The following AURKAIP1 variants were observed in gnomAD, a reference collection of about 807,000 sequenced individuals.
AURKAIP1 encodes the protein aurora kinase A interacting protein 1.
In AURKAIP1, 20 loss-of-function variants were observed where a neutral mutation model predicts 18.4. The observed-to-expected ratio is 1.09, with a 90% CI of 0.77 to 1.58. The LOEUF is 1.58. Ranked by LOEUF, AURKAIP1 falls within the 40% of genes most tolerant of loss-of-function variation. The probability of loss-of-function intolerance (pLI) is 0.00; values close to 1 mark genes in which losing one functional copy is unlikely to be tolerated. For missense variants in AURKAIP1, 319 were observed against 270.7 expected, an observed-to-expected ratio of 1.18 and a Z score of -1.25; for synonymous variants, 156 against 120.8, an observed-to-expected ratio of 1.29 and a Z score of -1.91.
chr1:1,373,946 A>C (rs1449559423), intron 3 of AURKAIP1, 44 bp from the exon 4 acceptor site: 1 of 1,609,046 alleles, frequency 6.2e-7, no homozygotes, highest in South Asian at 1.1e-5. Context: ...TTCGTGGCAA[A>C]GAAACGTGTT....
rs1644320404 is a variant in AURKAIP1 at position 1,374,042 on chromosome 1, G to A, written c.456C>T (p.Phe152=). 4 of 1,607,158 alleles carry A rather than the reference G, an allele frequency of 2.5e-6. No homozygotes were observed. The highest frequency in any genetic ancestry group is 2.2e-5 in the East Asian group (1 of 44,742). ...GTCCCTCCTGGACCTTCCTCCGCAG[G>A]AACCGCGTCTTCTTCACCAGCTTCC... is the stretch of plus-strand genomic sequence containing the variant. ...KYRKLVKKTR[F]LRRKVQEGRL... The change falls in exon 3 of 4, where the codon TTC becomes TTT. Residue 152 remains phenylalanine, a synonymous_variant. Coordinates refer to ENST00000338338, the MANE Select transcript of AURKAIP1 (RefSeq NM_017900.3).
rs1457991839 is a variant in AURKAIP1, at chr1:1,374,794, G to A, written c.-34-4C>T. On this transcript the variant is annotated splice_region_variant and splice_polypyrimidine_tract_variant and intron_variant, in intron 1 of 3. Coordinates refer to ENST00000338338, the MANE Select transcript of AURKAIP1 (RefSeq NM_017900.3). ...GCGGCCACAGGTCCCAGGGGAGCTGGAACACAAGTGCCCGTTCAGGTCAGG... is the reference window on the plus strand; with the variant it reads ...GCGGCCACAGGTCCCAGGGGAGCTGAAACACAAGTGCCCGTTCAGGTCAGG... The A allele has an allele frequency of 3.2e-6, 5 of 1,544,300 alleles. No homozygotes were observed. In the African/African-American group the frequency reaches 6.9e-5, roughly 21 times the overall value.
chr1:1,373,982 A>C lies in AURKAIP1; in HGVS notation c.498+18T>G, dbSNP rs759798872. 15 of 1,608,652 alleles carry C rather than the reference A, an allele frequency of 9.3e-6. No homozygotes were observed. In the South Asian group the frequency reaches 1.5e-4, roughly 16 times the overall value. On this transcript the variant is annotated intron_variant, in intron 3 of 3. Coordinates refer to ENST00000338338, the MANE Select transcript of AURKAIP1 (RefSeq NM_017900.3). ...CTCAGCACTTTGCCCTCCCAGGGCC[A>C]AGCAGGGGGCCACTCACCTGCTTGC...
Position 1,374,294 on chromosome 1 carries a change from C to G in AURKAIP1, c.204G>C (p.Lys68Asn). 6.3e-7 allele frequency: 1 copy of G among 1,591,752 alleles called. No homozygotes were observed. The highest frequency in any genetic ancestry group is 8.5e-7 in the Non-Finnish European group (1 of 1,170,330). ...LELEEMLVPR[K>N]MSVSPLESWL... ...AGCTCTCCAGGGGGCTGACGGACAT[C>G]TTCCTGGGGACCAGCATCTCCTCCA... is the stretch of plus-strand genomic sequence containing the variant. Residue 68 changes from lysine (K) to asparagine (N), a missense_variant, in exon 3 of 4, where the codon AAG becomes AAC. By Grantham distance (94) the Lys-to-Asn change is moderately conservative. Transcript: ENST00000338338.
At chr1:1,374,997 C>T (rs973239541) in intron 1 of AURKAIP1, 157 bp downstream of exon 1, 5 of 485,184 alleles carry the variant, frequency 1.0e-5, no homozygotes, top group African/African-American at 8.3e-5. Context: ...TCGGACGCAC[C>T]GAAAGGTCCC....
At position 1,373,842 on chromosome 1, in the gene AURKAIP1, C is replaced by T. The variant is rs753960121; in HGVS notation, c.559G>A (p.Glu187Lys). ...TAGATCTTGGGGGTCTGCCAGCCTTCGGGGGCTTCCTTTAGCCCCGCCTTC... is the reference window on the plus strand; with the variant it reads ...TAGATCTTGGGGGTCTGCCAGCCTTTGGGGGCTTCCTTTAGCCCCGCCTTC... ...WLKAGLKEAP[E>K]GWQTPKIYLR... is the part of the protein sequence containing the mutation. Residue 187 changes from glutamate to lysine, a missense_variant, in exon 4 of 4, where the codon GAA becomes AAA. Glu to Lys is a moderately conservative substitution (Grantham distance 56). Transcript: ENST00000338338. 7 of 1,603,304 alleles carry T rather than the reference C, an allele frequency of 4.4e-6. No homozygotes were observed. The highest frequency in any genetic ancestry group is 1.7e-5 in the Admixed American group (1 of 59,842).
intron 2 of AURKAIP1, 70 bp downstream of exon 2, chr1:1,374,635 G>A (rs1569842378): frequency 2.0e-6 from 3 of 1,504,416 alleles, no homozygotes; most frequent in South Asian, 1.2e-5. Context: ...CCCTGCCCCA[G>A]CGGAGCTGCT....
rs758658980 is a variant in AURKAIP1, at chr1:1,373,913, CAGAG to C, written c.499-15_499-12del. 1.9e-6 allele frequency: 3 copies of C among 1,609,214 alleles called. No homozygotes were observed. The highest frequency in any genetic ancestry group is 1.7e-5 in the Admixed American group (1 of 60,024). Reference sequence around the variant, plus strand: ...TTTCTCGAACTTGATCTGCAAGACGCAGAGAGAGGGACCGCCAAGTAATTCGTGG... The same window carrying C: ...TTTCTCGAACTTGATCTGCAAGACGCAGAGGGACCGCCAAGTAATTCGTGG... On this transcript the variant is annotated splice_polypyrimidine_tract_variant and intron_variant, in intron 3 of 3. Transcript: ENST00000338338.
At chr1:1,374,652 C>T (rs1644330557) in intron 2 of AURKAIP1, 53 bp downstream of exon 2, 1 of 1,529,910 alleles carries the variant, frequency 6.5e-7, no homozygotes, top group Non-Finnish European at 8.9e-7. Context: ...TGCTGAGACC[C>T]GCACTCCTAA....
In AURKAIP1 at chr1:1,374,048, C is replaced by T. The variant is rs1260938623; in HGVS notation, c.450G>A (p.Thr150=). 6.2e-7 allele frequency: 1 copy of T among 1,607,540 alleles called. No homozygotes were observed. The highest frequency in any genetic ancestry group is 8.5e-7 in the Non-Finnish European group (1 of 1,176,282). ...CCTGGACCTTCCTCCGCAGGAACCG[C>T]GTCTTCTTCACCAGCTTCCGGTACT... is the stretch of plus-strand genomic sequence containing the variant. The part of the protein sequence containing the change: ...HHKYRKLVKK[T]RFLRRKVQEG... Residue 150 remains threonine, a synonymous_variant, in exon 3 of 4, where the codon ACG becomes ACA. Transcript: ENST00000338338.
chr1:1,374,236 C>G lies in AURKAIP1; in HGVS notation c.262G>C (p.Asp88His). 6.2e-7 allele frequency: 1 copy of G among 1,612,048 alleles called. No homozygotes were observed. The highest frequency in any genetic ancestry group is 1.1e-5 in the South Asian group (1 of 91,070). ...GCCACAGTCCCTGCGGTCCCGGTAT[C>G]CAGTCTGGGCAGGAAGCAGCGGGCC... ...LTARCFLPRL[D>H]TGTAGTVAPP... Residue 88 changes from aspartate to histidine, a missense_variant, in exon 3 of 4, where the codon GAT becomes CAT. Physicochemically the swap from Asp to His is moderately conservative, Grantham distance 81. Transcript: ENST00000338338.
chr1:1,374,784 AG>A lies in AURKAIP1; in HGVS notation c.-29del. On this transcript the variant is annotated 5_prime_UTR_variant, in exon 2 of 4. Transcript: ENST00000338338. The stretch of plus-strand genomic sequence containing the variant: ...TCTGTGGGCGGCGGCCACAGGTCCC[AG>A]GGGAGCTGGAACACAAGTGCCCGTT... The A allele has an allele frequency of 6.5e-7, 1 of 1,549,552 alleles. No homozygotes were observed. The highest frequency in any genetic ancestry group is 1.8e-4 in the Middle Eastern group (1 of 5,642).
At chr1:1,374,844 G>A in intron 1 of AURKAIP1, 54 bp from the exon 2 acceptor site, 1 of 1,331,322 alleles carries the variant, frequency 7.5e-7, no homozygotes, top group Admixed American at 2.3e-5. Flanking sequence ...GTAGTCGCGG[G>A]CGGGCCGGGA....
chr1:1,374,911 C>A lies in AURKAIP1; in HGVS notation c.-34-121G>T, dbSNP rs536418752. 9.2e-3 allele frequency: 5,983 copies of A among 652,786 alleles called. 47 individuals are homozygous for A. The highest frequency in any genetic ancestry group is 9.6e-3 in the South Asian group (474 of 49,460). 40.4% of individuals were successfully genotyped at this position (652,786 alleles called of 1,614,324 possible). On this transcript the variant is annotated intron_variant, in intron 1 of 3. Transcript: ENST00000338338. ...TTCCCTTCTCCCTCCGCCACCCCAA[C>A]CCACAAGGAGGACTTTGCTTCCAAC...
At position 1,374,247 on chromosome 1, in the gene AURKAIP1, A is replaced by C; in HGVS notation, c.251T>G (p.Leu84Arg). The change falls in exon 3 of 4, where the codon CTG becomes CGG. Residue 84 changes from leucine to arginine, a missense_variant. By Grantham distance (102) the Leu-to-Arg change is moderately radical. Transcript: ENST00000338338. ...LESWLTARCF[L>R]PRLDTGTAGT... is the part of the protein sequence containing the mutation. ...TGCGGTCCCGGTATCCAGTCTGGGC[A>C]GGAAGCAGCGGGCCGTGAGCCAGCT... The C allele has an allele frequency of 6.2e-7, 1 of 1,610,328 alleles. No individual in the cohort carries two copies. The highest frequency in any genetic ancestry group is 8.5e-7 in the Non-Finnish European group (1 of 1,179,188).
rs375527553 is a variant in AURKAIP1, at chr1:1,374,106, A to G, written c.392T>C (p.Leu131Pro). The stretch of plus-strand genomic sequence containing the variant: ...GTTCATCTTCCGCCGGCGGATCTTC[A>G]GCACGTTTTTGCACTGAATTTGAGG... ...DAPQIQCKNV[L>P]KIRRRKMNHH... is the part of the protein sequence containing the mutation. Residue 131 changes from leucine (L) to proline (P), a missense_variant, in exon 3 of 4, where the codon CTG (leucine) becomes CCG (proline). By Grantham distance (98) the Leu-to-Pro change is moderately conservative (BLOSUM62 -3). Coordinates refer to ENST00000338338, the MANE Select transcript of AURKAIP1 (RefSeq NM_017900.3). 6.2e-7 allele frequency: 1 copy of G among 1,612,650 alleles called. No homozygotes were observed. The highest frequency in any genetic ancestry group is 8.5e-7 in the Non-Finnish European group (1 of 1,179,372).
Position 1,374,008 on chromosome 1 carries a change from G to A in AURKAIP1, c.490C>T (p.Arg164Cys). The change falls in exon 3 of 4, where the codon CGC (arginine) becomes TGC (cysteine). Residue 164 changes from arginine to cysteine, a missense_variant. Arg to Cys is a radical substitution (Grantham distance 180). Transcript: ENST00000338338. ...AGCAGGGGGCCACTCACCTGCTTGC[G>A]TCTCAGGCGTCCCTCCTGGACCTTC... is the stretch of plus-strand genomic sequence containing the variant. ...RRKVQEGRLR[R>C]KQIKFEKDLR... is the part of the protein sequence containing the mutation. The A allele has an allele frequency of 1.2e-6, 2 of 1,608,160 alleles. No homozygotes were observed. Among genetic ancestry groups the A allele is most frequent in the Middle Eastern group, 3.3e-4 (2 of 6,042 alleles).
At chr1:1,375,059 T>G in intron 1 of AURKAIP1, 95 bp downstream of exon 1, 1 of 324,328 alleles carries the variant, frequency 3.1e-6, no homozygotes, top group Non-Finnish European at 5.8e-6. Flanking sequence ...CGAATCGCGT[T>G]GCCTGGCGCC....
chr1:1,375,027 C>T (rs1644335261), intron 1 of AURKAIP1, 127 bp downstream of exon 1: 2 of 409,516 alleles, frequency 4.9e-6, no homozygotes, highest in Non-Finnish European at 8.8e-6. Flanking sequence ...AGGCCGGCCC[C>T]CTCCCCGGGT....
Sources: allele counts gnomAD v4.1 joint callset, GRCh38; gene constraint gnomAD v4.1.1; transcripts MANE v1.5; gene names NCBI Gene and HGNC (gene_info 2026-07-23, HGNC 2026-07-21).